The following KCNIP4 variants were observed in gnomAD, a reference collection of about 807,000 sequenced individuals.
KCNIP4 encodes potassium voltage-gated channel interacting protein 4.
In KCNIP4, 12 loss-of-function variants were observed where a neutral mutation model predicts 34.0. The ratio of observed to expected loss-of-function variants is 0.35; its 90% CI spans 0.23 to 0.57. The LOEUF (loss-of-function observed/expected upper bound fraction) is 0.57, where lower values mean the gene tolerates loss of function less well. Among genes scored for constraint, KCNIP4 ranks in the 20% least tolerant of loss-of-function variants. KCNIP4 has a pLI of 0.83. For synonymous variants in KCNIP4, 124 were observed against 102.2 expected (o/e 1.21, Z -1.29); for missense variants, 238 against 311.7 (o/e 0.76, Z 1.78).
At chr4:21,115,393 A>G (rs993981078) in intron 1 of KCNIP4, among the ~76,000 whole-genome samples, 1 of 152,156 alleles carries the variant, frequency 6.6e-6, no homozygotes, top group Non-Finnish European at 1.5e-5. Flanking sequence ...ACACTATGAA[A>G]CTCATAGAGA....
At chr4:21,178,365 G>C (rs1577838265) in intron 1 of KCNIP4, among the ~76,000 whole-genome samples, 1 of 152,152 alleles carries the variant, frequency 6.6e-6, no homozygotes. Flanking sequence ...TGTTTTACTT[G>C]TCTAGAGCAT....
intron 1 of KCNIP4, among the ~76,000 whole-genome samples, chr4:21,756,764 T>C (rs1179910403): frequency 3.3e-5 from 5 of 152,010 alleles, no homozygotes; most frequent in African/African-American, 1.2e-4. Flanking sequence ...TTGCCACTTG[T>C]CATTTCATGA....
At chr4:21,184,529 A>G (rs1242738063) in intron 1 of KCNIP4, among the ~76,000 whole-genome samples, 2 of 152,252 alleles carry the variant, frequency 1.3e-5, no homozygotes, top group Non-Finnish European at 2.9e-5. Context: ...CGTAATGAAG[A>G]CGAGAGATGG....
At chr4:20,995,468 ATAAAC>A (rs1001072033) in intron 1 of KCNIP4, among the ~76,000 whole-genome samples, 2 of 152,192 alleles carry the variant, frequency 1.3e-5, no homozygotes, top group African/African-American at 4.8e-5. Flanking sequence ...CATTTGACCA[ATAAAC>A]TGTGATCCAG....
chr4:21,515,203 G>A (rs933560647), intron 1 of KCNIP4, among the ~76,000 whole-genome samples: 29 of 152,074 alleles, frequency 1.9e-4, no homozygotes, highest in African/African-American at 7.0e-4. Context: ...CAGTGATGGG[G>A]GCTCCTGATC....
rs990554584 is a variant in KCNIP4 at position 21,677,760 on chromosome 4, T to G, written c.61+270811A>C. ...ACTCTTCCCACTGTTGGTATTCTTT[T>G]GTTTTTTGAGATGGAGTCTCACTCT... On this transcript the variant is annotated intron_variant, in intron 1 of 8. Transcript: ENST00000382152. 8.5e-5 allele frequency among the ~76,000 whole-genome samples: 13 copies of G among 152,282 alleles called. No individual in the cohort carries two copies. In the Middle Eastern group the frequency reaches 0.02, roughly 239 times the overall value.
At chr4:21,279,319 G>A (rs536855262) in intron 1 of KCNIP4, among the ~76,000 whole-genome samples, 60 of 152,084 alleles carry the variant, frequency 3.9e-4, no homozygotes, top group African/African-American at 1.3e-3. Context: ...TCTGTTATAG[G>A]TGAAGGGTCA....
rs1301318178 is a variant in KCNIP4 at position 21,423,830 on chromosome 4, C to A, written c.61+524741G>T. Among the ~76,000 whole-genome samples, 10 of 145,604 alleles carry A rather than the reference C, an allele frequency of 6.9e-5. No individual in the cohort carries two copies. The East Asian group carries it at 2.1e-3, about 30-fold the overall frequency. ...AGAATTTTTTTTTTTTTTTTTGAGA[C>A]GGAGTCTCGCTCTGTCGCCCAGGCT... On this transcript the variant is annotated intron_variant, in intron 1 of 8. Coordinates refer to ENST00000382152, the MANE Select transcript of KCNIP4 (RefSeq NM_025221.6).
intron 1 of KCNIP4, among the ~76,000 whole-genome samples, chr4:21,089,877 C>G (rs909622838): frequency 5.3e-5 from 8 of 152,178 alleles, no homozygotes; most frequent in Admixed American, 5.2e-4. Flanking sequence ...TCTGGATAAC[C>G]CTATACTGGT....
intron 1 of KCNIP4, among the ~76,000 whole-genome samples, chr4:21,664,492 A>G (rs1161236513): frequency 6.6e-6 from 1 of 152,114 alleles, no homozygotes. Context: ...TCTGCTTGCC[A>G]TCTTGCAATT....
At chr4:20,876,936 T>C (rs571946936) in intron 2 of KCNIP4, among the ~76,000 whole-genome samples, 10 of 152,298 alleles carry the variant, frequency 6.6e-5, no homozygotes, top group African/African-American at 2.4e-4. Flanking sequence ...TGACTGACTC[T>C]AGGAATTGTC....
At chr4:21,241,284 C>A (rs1227272908) in intron 1 of KCNIP4, among the ~76,000 whole-genome samples, 1 of 152,016 alleles carries the variant, frequency 6.6e-6, no homozygotes, top group Non-Finnish European at 1.5e-5. Context: ...GCAACAATAA[C>A]CTTTTTGAGG....
chr4:21,694,997 T>C (rs1469537875), intron 1 of KCNIP4, among the ~76,000 whole-genome samples: 1 of 150,262 alleles, frequency 6.7e-6, no homozygotes, highest in Non-Finnish European at 1.5e-5. Flanking sequence ...GACATGTTCG[T>C]GTTGTTTTAA....
At chr4:21,472,900 G>A (rs146687559) in intron 1 of KCNIP4, among the ~76,000 whole-genome samples, 352 of 152,240 alleles carry the variant, frequency 2.3e-3, no homozygotes, top group African/African-American at 7.8e-3. Flanking sequence ...ATAGTGCCTG[G>A]CTCATAGCTA....
intron 1 of KCNIP4, among the ~76,000 whole-genome samples, chr4:21,385,802 G>A (rs955042020): frequency 2.6e-5 from 4 of 152,152 alleles, no homozygotes; most frequent in Admixed American, 2.0e-4. Flanking sequence ...AGGTGCCACA[G>A]ATTTAACTGT....
intron 1 of KCNIP4, among the ~76,000 whole-genome samples, chr4:21,068,124 C>A (rs995252081): frequency 1.3e-5 from 2 of 152,158 alleles, no homozygotes; most frequent in Non-Finnish European, 2.9e-5. Context: ...GATCACAATG[C>A]TCCAAGGGTG....
chr4:21,550,359 T>A (rs1304680867), intron 1 of KCNIP4, among the ~76,000 whole-genome samples: 2 of 152,094 alleles, frequency 1.3e-5, no homozygotes, highest in Non-Finnish European at 2.9e-5. Context: ...ACTACATTAA[T>A]AATGGGCACT....
chr4:21,729,216 G>T (rs1399599088), intron 1 of KCNIP4, among the ~76,000 whole-genome samples: 1 of 152,000 alleles, frequency 6.6e-6, no homozygotes, highest in Admixed American at 6.6e-5. Flanking sequence ...ATCATTTGGG[G>T]TCTAGGTTGC....
chr4:21,246,585 C>T (rs1438257321), intron 1 of KCNIP4, among the ~76,000 whole-genome samples: 1 of 151,962 alleles, frequency 6.6e-6, no homozygotes, highest in Non-Finnish European at 1.5e-5. Flanking sequence ...GCATTTTTTT[C>T]CCTCAAGCAG....
Sources: allele counts gnomAD v4.1 joint callset (sites outside exome capture counted in the v4.1 genomes callset), GRCh38; gene constraint gnomAD v4.1.1; transcripts MANE v1.5; gene names NCBI Gene and HGNC (gene_info 2026-07-23, HGNC 2026-07-21).